STXBP5L: variants seen among roughly 807,000 people sequenced by gnomAD.
STXBP5L encodes the protein syntaxin binding protein 5L.
In STXBP5L, 65 loss-of-function variants were observed where a neutral mutation model predicts 144.5. The observed-to-expected ratio is 0.45, with a 90% CI of 0.37 to 0.55. The LOEUF is 0.55. Among genes scored for constraint, STXBP5L ranks in the 20% least tolerant of loss-of-function variants. The pLI is 0.00. For missense variants in STXBP5L, 1,298 were observed against 1,405.5 expected, an observed-to-expected ratio of 0.92 and a Z score of 1.22; for synonymous variants, 505 against 469.6, an observed-to-expected ratio of 1.08 and a Z score of -0.97.
intron 3 of STXBP5L, among the ~76,000 whole-genome samples, chr3:121,015,249 A>T (rs965559441): frequency 1.3e-5 from 2 of 152,190 alleles, no homozygotes; most frequent in African/African-American, 4.8e-5. Flanking sequence ...TGATTGGCTT[A>T]ATAATTTTAA....
intron 2 of STXBP5L, among the ~76,000 whole-genome samples, chr3:120,932,331 C>T (rs1202546342): frequency 6.6e-6 from 1 of 152,144 alleles, no homozygotes; most frequent in Non-Finnish European, 1.5e-5. Flanking sequence ...ATTTACATTT[C>T]TTTCCCTCTC....
intron 9 of STXBP5L, among the ~76,000 whole-genome samples, chr3:121,185,152 T>C (rs914122768): frequency 1.3e-5 from 2 of 152,212 alleles, no homozygotes; most frequent in Non-Finnish European, 2.9e-5. Context: ...CTGCAACTTG[T>C]AAATTTGTTT....
intron 7 of STXBP5L, among the ~76,000 whole-genome samples, chr3:121,123,303 T>C (rs1038859253): frequency 2.0e-5 from 3 of 151,662 alleles, no homozygotes; most frequent in Non-Finnish European, 4.4e-5. Flanking sequence ...ATATTCGTTT[T>C]TGGAATTTGT....
chr3:120,910,018 T>C (rs946167378), intron 2 of STXBP5L, among the ~76,000 whole-genome samples: 2 of 152,198 alleles, frequency 1.3e-5, no homozygotes, highest in Non-Finnish European at 2.9e-5. Flanking sequence ...TAAGATCCAA[T>C]AGTGGACAAA....
At chr3:120,994,789 C>T (rs767650138) in intron 3 of STXBP5L, among the ~76,000 whole-genome samples, 5 of 151,754 alleles carry the variant, frequency 3.3e-5, no homozygotes, top group East Asian at 1.9e-4. Context: ...TATTTCTGGC[C>T]TTATACATTG....
chr3:121,361,254 A>C (rs1024311822), intron 20 of STXBP5L, among the ~76,000 whole-genome samples: 2 of 152,142 alleles, frequency 1.3e-5, no homozygotes, highest in African/African-American at 4.8e-5. Context: ...TTGATTATTA[A>C]ATGCCTTGAG....
chr3:121,377,907 C>G (rs1297189719), intron 20 of STXBP5L, among the ~76,000 whole-genome samples: 1 of 152,162 alleles, frequency 6.6e-6, no homozygotes, highest in Non-Finnish European at 1.5e-5. Flanking sequence ...ATAGCAAAGA[C>G]TTGGAACCAA....
chr3:121,317,725 T>C (rs1483779106), intron 19 of STXBP5L, among the ~76,000 whole-genome samples: 1 of 152,146 alleles, frequency 6.6e-6, no homozygotes, highest in African/African-American at 2.4e-5. Flanking sequence ...AATTATAAAA[T>C]GTTTATTAAT....
At chr3:121,185,235 C>T (rs550543679) in intron 9 of STXBP5L, among the ~76,000 whole-genome samples, 1 of 152,276 alleles carries the variant, frequency 6.6e-6, no homozygotes, top group East Asian at 1.9e-4. Flanking sequence ...AATTGTCTCC[C>T]ATTCTGTAGG....
intron 9 of STXBP5L, among the ~76,000 whole-genome samples, chr3:121,191,480 A>G (rs1040376353): frequency 6.6e-6 from 1 of 152,192 alleles, no homozygotes; most frequent in Non-Finnish European, 1.5e-5. Flanking sequence ...GTGAGTCGAG[A>G]TAGCTGCAAT....
At chr3:120,941,792 TA>T (rs1429568743) in intron 2 of STXBP5L, among the ~76,000 whole-genome samples, 2 of 151,724 alleles carry the variant, frequency 1.3e-5, no homozygotes, top group East Asian at 1.9e-4. Context: ...TGTCTGTTTA[TA>T]AAGGAGTTTA....
intron 22 of STXBP5L, among the ~76,000 whole-genome samples, chr3:121,387,314 C>T (rs2046450313): frequency 6.6e-6 from 1 of 152,152 alleles, no homozygotes; most frequent in African/African-American, 2.4e-5. Context: ...AGCCCTTTGT[C>T]AGATGGGTAG....
intron 2 of STXBP5L, among the ~76,000 whole-genome samples, 196 bp downstream of exon 2, chr3:120,909,963 G>A (rs182677251): frequency 3.9e-5 from 6 of 152,206 alleles, no homozygotes; most frequent in Non-Finnish European, 4.4e-5. Context: ...GATAGTTTAA[G>A]TGGGAAATGA....
intron 24 of STXBP5L, among the ~76,000 whole-genome samples, chr3:121,414,769 T>C (rs1401774993): frequency 6.6e-6 from 1 of 152,242 alleles, no homozygotes; most frequent in Non-Finnish European, 1.5e-5. Context: ...GAATCTATTA[T>C]AGCATTTATC....
At chr3:121,379,032 G>A (rs1340475479) in intron 21 of STXBP5L, 146 bp downstream of exon 21, 7 of 857,882 alleles carry the variant, frequency 8.2e-6, no homozygotes, top group Non-Finnish European at 1.2e-5. Context: ...ATGGGGCTGT[G>A]GCCATAACTC....
At chr3:121,272,375 A>G (rs993283233) in intron 18 of STXBP5L, among the ~76,000 whole-genome samples, 4 of 152,048 alleles carry the variant, frequency 2.6e-5, no homozygotes, top group African/African-American at 9.7e-5. Context: ...TTGTTATTTA[A>G]TGATCCTCTT....
Position 121,145,096 on chromosome 3 carries a change from T to C in STXBP5L, c.670-7381T>C, listed in dbSNP as rs541075397. 3.2e-4 allele frequency among the ~76,000 whole-genome samples: 48 copies of C among 152,028 alleles called. 3 individuals are homozygous for C. In the South Asian group the frequency reaches 9.5e-3, roughly 30 times the overall value. ...AACTTTAGAAATCTGCTGTGCAACA[T>C]TGTATCTAGAGTCACCAGTAATGTA... On this transcript the variant is annotated intron_variant, in intron 7 of 26. Transcript: ENST00000471454.
intron 3 of STXBP5L, among the ~76,000 whole-genome samples, chr3:121,029,597 A>G (rs1232068403): frequency 1.3e-5 from 2 of 152,168 alleles, no homozygotes; most frequent in African/African-American, 2.4e-5. Context: ...AACCTAGGCA[A>G]TACCATTCAG....
chr3:120,955,173 T>A, intron 3 of STXBP5L, 136 bp downstream of exon 3: 1 of 647,448 alleles, frequency 1.5e-6, no homozygotes, highest in Non-Finnish European at 2.6e-6. Context: ...GTGAAAAATC[T>A]GCACTTTCAA....
Sources: allele counts gnomAD v4.1 joint callset (sites outside exome capture counted in the v4.1 genomes callset), GRCh38; gene constraint gnomAD v4.1.1; transcripts MANE v1.5; gene names NCBI Gene and HGNC (gene_info 2026-07-23, HGNC 2026-07-21).